The following CDH13 variants were observed in gnomAD, a reference collection of about 807,000 sequenced individuals.
CDH13 encodes the protein cadherin 13.
CDH13 carries 24 observed loss-of-function variants against 63.8 expected under a neutral mutation model. The ratio of observed to expected loss-of-function variants is 0.38; its 90% confidence interval spans 0.27 to 0.53. The LOEUF (loss-of-function observed/expected upper bound fraction) is 0.53. Among genes scored for constraint, CDH13 ranks in the 20% least tolerant of loss-of-function variants. The pLI is 0.85. For synonymous variants in CDH13, 503 were observed against 355.3 expected (o/e 1.42, Z -4.67); for missense variants, 1,049 against 903.1 (o/e 1.16, Z -2.07).
intron 3 of CDH13, among the ~76,000 whole-genome samples, chr16:83,081,484 C>T (rs78492089): frequency 6.6e-5 from 10 of 152,270 alleles, no homozygotes; most frequent in African/African-American, 2.2e-4. Flanking sequence ...ACAGAGTGTA[C>T]CACTTCAGAG....
chr16:83,471,797 G>T (rs978052658), intron 6 of CDH13, among the ~76,000 whole-genome samples: 1 of 152,156 alleles, frequency 6.6e-6, no homozygotes, highest in African/African-American at 2.4e-5. Context: ...TCAGCAACTT[G>T]CAAGGAAGAG....
rs377509774 is a variant in CDH13 at position 83,545,877 on chromosome 16, TATTC to T, written c.961-56555_961-56552del. Among the ~76,000 whole-genome samples, 104 of 152,270 alleles carry T rather than the reference TATTC, an allele frequency of 6.8e-4. 1 individual carries two copies. Among genetic ancestry groups the T allele is most frequent in the African/African-American group, 2.1e-3 (89 of 41,554 alleles). On this transcript the variant is annotated intron_variant, in intron 7 of 13. Transcript: ENST00000567109. ...ATTGATGGCTCCCTTTCTTTGAGCG[TATTC>T]ATTCATTCATTCATTCATTCAATGA...
At chr16:82,786,096 G>C (rs1320583605) in intron 1 of CDH13, among the ~76,000 whole-genome samples, 2 of 152,216 alleles carry the variant, frequency 1.3e-5, no homozygotes, top group Non-Finnish European at 2.9e-5. Context: ...GTTAGGGTGA[G>C]CAAGTGATCA....
At chr16:82,711,399 G>A (rs1184649829) in intron 1 of CDH13, among the ~76,000 whole-genome samples, 1 of 152,090 alleles carries the variant, frequency 6.6e-6, no homozygotes, top group Non-Finnish European at 1.5e-5. Context: ...TGGGATTCTG[G>A]AATGGGGAGG....
intron 7 of CDH13, among the ~76,000 whole-genome samples, chr16:83,507,210 A>G (rs962741219): frequency 1.5e-4 from 23 of 152,180 alleles, no homozygotes; most frequent in Middle Eastern, 3.2e-3. Flanking sequence ...TTAGCATTCT[A>G]TTAATGCCAC....
intron 5 of CDH13, among the ~76,000 whole-genome samples, chr16:83,275,642 G>T (rs2088963513): frequency 7.3e-6 from 1 of 136,926 alleles, no homozygotes; most frequent in Non-Finnish European, 1.6e-5. Flanking sequence ...CCTCAGGAGT[G>T]AGCCTTATGA....
At chr16:83,566,656 T>G (rs2150697706) in intron 7 of CDH13, among the ~76,000 whole-genome samples, 1 of 152,250 alleles carries the variant, frequency 6.6e-6, no homozygotes, top group South Asian at 2.1e-4. Flanking sequence ...GAGCATCAGA[T>G]GGGAGGTTCT....
At chr16:82,889,300 A>ATCTGTCTC (rs1555535837) in intron 2 of CDH13, among the ~76,000 whole-genome samples, 1 of 149,804 alleles carries the variant, frequency 6.7e-6, no homozygotes, top group Non-Finnish European at 1.5e-5. Context: ...TCTCTCTATT[A>ATCTGTCTC]TCTCTCTCTC....
At chr16:83,176,859 G>C (rs1365783343) in intron 4 of CDH13, among the ~76,000 whole-genome samples, 3 of 152,122 alleles carry the variant, frequency 2.0e-5, no homozygotes. Context: ...TTAAGTCTGA[G>C]CGAGCCCTTA....
At chr16:83,127,383 C>T (rs148384721) in intron 4 of CDH13, among the ~76,000 whole-genome samples, 154 of 152,198 alleles carry the variant, frequency 1.0e-3, no homozygotes, top group African/African-American at 3.6e-3. Context: ...GCAAAGAGAC[C>T]CACTAAGAGG....
intron 8 of CDH13, among the ~76,000 whole-genome samples, chr16:83,665,559 G>C (rs966482282): frequency 3.9e-5 from 6 of 152,158 alleles, no homozygotes; most frequent in African/African-American, 1.4e-4. Flanking sequence ...ATCACAAATA[G>C]AAATTAGTGA....
chr16:83,182,209 C>T (rs1489489930), intron 4 of CDH13, among the ~76,000 whole-genome samples: 1 of 152,234 alleles, frequency 6.6e-6, no homozygotes, highest in Admixed American at 6.5e-5. Flanking sequence ...TCCTGCTAGT[C>T]ACGCCTTACA....
intron 2 of CDH13, among the ~76,000 whole-genome samples, chr16:82,975,324 G>A (rs537488382): frequency 6.6e-6 from 1 of 152,300 alleles, no homozygotes; most frequent in Non-Finnish European, 1.5e-5. Context: ...AGGACACAGG[G>A]CTGTGTGGAC....
intron 4 of CDH13, among the ~76,000 whole-genome samples, chr16:83,185,917 T>C (rs1291100736): frequency 6.6e-6 from 1 of 152,194 alleles, no homozygotes; most frequent in African/African-American, 2.4e-5. Context: ...GTCTTATCCA[T>C]GGAGTATGTC....
At chr16:82,798,683 T>C (rs974828802) in intron 1 of CDH13, among the ~76,000 whole-genome samples, 4 of 152,078 alleles carry the variant, frequency 2.6e-5, no homozygotes, top group African/African-American at 9.7e-5. Flanking sequence ...TGTGAATAAG[T>C]GCCATAGGCT....
intron 10 of CDH13, among the ~76,000 whole-genome samples, chr16:83,692,129 T>G (rs1390562959): frequency 6.6e-6 from 1 of 152,238 alleles, no homozygotes; most frequent in East Asian, 1.9e-4. Flanking sequence ...GTGCCCTGTG[T>G]GTGCAATTAC....
At chr16:82,638,968 CTTA>C (rs2150882713) in intron 1 of CDH13, among the ~76,000 whole-genome samples, 1 of 152,302 alleles carries the variant, frequency 6.6e-6, no homozygotes, top group Non-Finnish European at 1.5e-5. Context: ...AGAGGCGACT[CTTA>C]TTCCCAATTT....
intron 1 of CDH13, among the ~76,000 whole-genome samples, chr16:82,660,935 C>CAA (rs58394697): frequency 2.9e-4 from 42 of 143,872 alleles, no homozygotes; most frequent in Non-Finnish European, 4.0e-4. Flanking sequence ...TTTCTTTTAT[C>CAA]AAAAAAAAAA....
intron 10 of CDH13, among the ~76,000 whole-genome samples, chr16:83,680,606 G>A (rs142086327): frequency 5.5e-4 from 83 of 152,246 alleles, no homozygotes; most frequent in Middle Eastern, 6.8e-3. Flanking sequence ...TCATCCTACC[G>A]CTGTGTGAGA....
Sources: gnomAD v4.1 joint callset for allele counts (sites outside exome capture counted in the v4.1 genomes callset) on GRCh38, gnomAD v4.1.1 for gene constraint, MANE v1.5 for transcripts, NCBI Gene and HGNC (gene_info 2026-07-23, HGNC 2026-07-21) for gene names.